The following SEMA6A variants were observed in gnomAD, a reference collection of about 807,000 sequenced individuals.
SEMA6A encodes semaphorin 6A.
Under a neutral mutation model 96.8 loss-of-function variants are expected in SEMA6A, and 25 were observed. The ratio of observed to expected loss-of-function variants is 0.26; its 90% CI spans 0.19 to 0.36. The LOEUF (loss-of-function observed/expected upper bound fraction) is 0.36. Among genes scored for constraint, SEMA6A ranks in the 10% least tolerant of loss-of-function variants. The probability of loss-of-function intolerance (pLI) is 1.00; values close to 1 mark genes in which losing one functional copy is unlikely to be tolerated. For synonymous variants in SEMA6A, 612 were observed against 518.0 expected (o/e 1.18, Z -2.46); for missense variants, 1,363 against 1,323.1 (o/e 1.03, Z -0.47).
intron 1 of SEMA6A, among the ~76,000 whole-genome samples, chr5:116,532,088 G>C (rs1239197877): frequency 1.3e-5 from 2 of 152,146 alleles, no homozygotes; most frequent in Non-Finnish European, 2.9e-5. Flanking sequence ...CGCTTCTATA[G>C]AAGTAAAAAT....
At chr5:116,493,583 C>T (rs953742754) in intron 6 of SEMA6A, among the ~76,000 whole-genome samples, 2 of 152,084 alleles carry the variant, frequency 1.3e-5, no homozygotes, top group Admixed American at 6.6e-5. Context: ...GAGCCACATG[C>T]CTCACTTGCT....
rs769600246 is a variant in SEMA6A at position 116,446,790 on chromosome 5, G to A, written c.2916C>T (p.His972=). The stretch of plus-strand genomic sequence containing the variant: ...CGGCCTGGCCAGATGGCTGGGAGCT[G>A]TGCACCTGGATGGAGTCCACCCTCT... ...APQRVDSIQV[H]SSQPSGQAVT... Residue 972 remains histidine (H), a synonymous_variant, in exon 19 of 19, where the codon CAC becomes CAT. Coordinates refer to ENST00000343348, the MANE Select transcript of SEMA6A (RefSeq NM_020796.5). The A allele has an allele frequency of 3.1e-6, 5 of 1,612,760 alleles. No homozygotes were observed. In the East Asian group the frequency reaches 8.9e-5, roughly 29 times the overall value.
At chr5:116,532,327 C>G (rs537144085) in intron 1 of SEMA6A, among the ~76,000 whole-genome samples, 2 of 152,066 alleles carry the variant, frequency 1.3e-5, no homozygotes, top group African/African-American at 4.8e-5. Context: ...TGGGGTCAGG[C>G]GGCCAACAAA....
In SEMA6A at chr5:116,460,540, C is replaced by CAAAA. The variant is rs1394334308; in HGVS notation, c.1894+7039_1894+7042dup. On this transcript the variant is annotated intron_variant, in intron 18 of 18. Coordinates refer to ENST00000343348, the MANE Select transcript of SEMA6A (RefSeq NM_020796.5). ...AGTACTCTCAGTTAATTCGGATAAACAAAAATGTTTTAGTTAAAAGTATGT... is the reference window on the plus strand; with the variant it reads ...AGTACTCTCAGTTAATTCGGATAAACAAAAAAAAATGTTTTAGTTAAAAGTATGT... 9.2e-5 allele frequency among the ~76,000 whole-genome samples: 14 copies of CAAAA among 152,114 alleles called. 1 individual carries two copies. In the East Asian group the frequency reaches 2.1e-3, roughly 23 times the overall value.
intron 1 of SEMA6A, among the ~76,000 whole-genome samples, chr5:116,514,895 A>G (rs1432079526): frequency 2.6e-5 from 4 of 152,210 alleles, no homozygotes; most frequent in Non-Finnish European, 5.9e-5. Flanking sequence ...TGGGCCCCAT[A>G]GCTTTTGCTC....
intron 2 of SEMA6A, among the ~76,000 whole-genome samples, chr5:116,503,468 T>C (rs1444818796): frequency 6.6e-6 from 1 of 152,012 alleles, no homozygotes; most frequent in African/African-American, 2.4e-5. Context: ...TGGATTTGAG[T>C]GATCACTGAA....
chr5:116,467,712 A>G lies in SEMA6A; in HGVS notation c.1765T>C (p.Ser589Pro). The change falls in exon 18 of 19, where the codon TCA (serine) becomes CCA (proline). Residue 589 changes from serine (S) to proline (P), a missense_variant. By Grantham distance (74) the Ser-to-Pro change is moderately conservative. Transcript: ENST00000343348. ...TACCCCTCTTGAGCCGTCGAATCTG[A>G]TGTGGTTGTGCTGGGCAAGAGGGAA... The part of the protein sequence containing the change: ...SSSLLPSTTT[S>P]DSTAQEGYES... 1.2e-6 allele frequency: 2 copies of G among 1,613,722 alleles called. No individual in the cohort carries two copies. The highest frequency in any genetic ancestry group is 1.7e-6 in the Non-Finnish European group (2 of 1,179,810).
At chr5:116,452,679 A>T (rs1754716229) in intron 18 of SEMA6A, among the ~76,000 whole-genome samples, 1 of 152,244 alleles carries the variant, frequency 6.6e-6, no homozygotes, top group Admixed American at 6.5e-5. Flanking sequence ...TTATTTTAAA[A>T]AATGTTTTCT....
chr5:116,528,559 A>T (rs1759329269), intron 1 of SEMA6A, among the ~76,000 whole-genome samples: 1 of 152,216 alleles, frequency 6.6e-6, no homozygotes, highest in Non-Finnish European at 1.5e-5. Flanking sequence ...ACCCTGGCAG[A>T]GGTGTCATCA....
At position 116,465,895 on chromosome 5, in the gene SEMA6A, T is replaced by A. The variant is rs572065422; in HGVS notation, c.1894+1688A>T. On this transcript the variant is annotated intron_variant, in intron 18 of 18. Coordinates refer to ENST00000343348, the MANE Select transcript of SEMA6A (RefSeq NM_020796.5). ...GAGTTTTCTCTTCTTGAGAATACAGTCAGGACTAGCACATCTGAGGTCAGG... is the reference window on the plus strand; with the variant it reads ...GAGTTTTCTCTTCTTGAGAATACAGACAGGACTAGCACATCTGAGGTCAGG... Among the ~76,000 whole-genome samples the A allele has an allele frequency of 2.0e-5, 3 of 152,100 alleles. No individual in the cohort carries two copies. The East Asian group carries it at 5.8e-4, about 29-fold the overall frequency.
In SEMA6A at chr5:116,446,948, A is replaced by G. The variant is rs774677937; in HGVS notation, c.2758T>C (p.Tyr920His). The change falls in exon 19 of 19, where the codon TAC becomes CAC. Residue 920 changes from tyrosine to histidine, a missense_variant. By Grantham distance (83) the Tyr-to-His change is moderately conservative (BLOSUM62 2). Coordinates refer to ENST00000343348, the MANE Select transcript of SEMA6A (RefSeq NM_020796.5). Reference protein sequence around the residue: ...SSYGVDYKRSYPTNSLTRSHQ... With the variant: ...SSYGVDYKRSHPTNSLTRSHQ... ...CTTCTCGTGAGCGAGTTCGTGGGGT[A>G]GCTCCTCTTATAGTCAACCCCGTAG... The G allele has an allele frequency of 1.2e-6, 2 of 1,613,872 alleles. No individual in the cohort carries two copies. Among genetic ancestry groups the G allele is most frequent in the Non-Finnish European group, 1.7e-6 (2 of 1,179,864 alleles).
In SEMA6A at chr5:116,455,615, C is replaced by A. The variant is rs183286884; in HGVS notation, c.1895-7804G>T. Among the ~76,000 whole-genome samples the A allele has an allele frequency of 2.2e-3, 342 of 152,276 alleles. 2 individuals are homozygous for A. The highest frequency in any genetic ancestry group is 8.0e-3 in the African/African-American group (331 of 41,556). On this transcript the variant is annotated intron_variant, in intron 18 of 18. Coordinates refer to ENST00000343348, the MANE Select transcript of SEMA6A (RefSeq NM_020796.5). Reference sequence around the variant, plus strand: ...AAAAAATTGTGAAATTTGGGCAAGTCTTTGCTTGGATTATTTGATTACTTG... The same window carrying A: ...AAAAAATTGTGAAATTTGGGCAAGTATTTGCTTGGATTATTTGATTACTTG...
At chr5:116,480,067 C>A in intron 12 of SEMA6A, 55 bp downstream of exon 12, 2 of 1,592,462 alleles carry the variant, frequency 1.3e-6, no homozygotes, top group Non-Finnish European at 1.7e-6. Context: ...GATTGGTTCT[C>A]CGACATGAGA....
intron 18 of SEMA6A, among the ~76,000 whole-genome samples, chr5:116,463,987 T>C (rs1755572537): frequency 6.6e-6 from 1 of 152,214 alleles, no homozygotes; most frequent in East Asian, 1.9e-4. Context: ...GTATTGTTAC[T>C]TTTGGTAAGG....
At chr5:116,456,127 CT>C (rs1033928978) in intron 18 of SEMA6A, among the ~76,000 whole-genome samples, 3 of 152,134 alleles carry the variant, frequency 2.0e-5, no homozygotes, top group African/African-American at 7.2e-5. Flanking sequence ...GGATTTACAA[CT>C]ACAACAAAAC....
At position 116,488,877 on chromosome 5, in the gene SEMA6A, T is replaced by C; in HGVS notation, c.655+11A>G. On this transcript the variant is annotated intron_variant, in intron 8 of 18. Transcript: ENST00000343348. ...CCCCTCCGACCCTCCTTCTTTTAAT[T>C]GTTTGTTCACCTTTCAACCATTTTG... 1 of 1,554,218 alleles carries C rather than the reference T, an allele frequency of 6.4e-7. No homozygotes were observed. The highest frequency in any genetic ancestry group is 8.7e-7 in the Non-Finnish European group (1 of 1,148,046).
In SEMA6A at chr5:116,463,577, C is replaced by T. The variant is rs574417902; in HGVS notation, c.1894+4006G>A. On this transcript the variant is annotated intron_variant, in intron 18 of 18. Coordinates refer to ENST00000343348, the MANE Select transcript of SEMA6A (RefSeq NM_020796.5). The stretch of plus-strand genomic sequence containing the variant: ...ATTCAACATTTGCTATCCATTTTAG[C>T]TTATTCACTTAATCTCTAATTTAAA... Among the ~76,000 whole-genome samples, 31 of 152,276 alleles carry T rather than the reference C, an allele frequency of 2.0e-4. 1 individual carries two copies. The South Asian group carries it at 6.4e-3, about 32-fold the overall frequency.
intron 17 of SEMA6A, chr5:116,468,422 T>G (rs1248833185): frequency 6.6e-6 from 1 of 152,256 alleles, no homozygotes; most frequent in Non-Finnish European, 1.5e-5. Flanking sequence ...CTACACGCTA[T>G]TACGGCTGTC....
chr5:116,478,407 TA>T, intron 13 of SEMA6A, 134 bp downstream of exon 13: 1 of 994,334 alleles, frequency 1.0e-6, no homozygotes, highest in Non-Finnish European at 1.5e-6. Flanking sequence ...TTTTAGGTGT[TA>T]AATTTTTACA....
Sources: allele counts gnomAD v4.1 joint callset (sites outside exome capture counted in the v4.1 genomes callset), GRCh38; gene constraint gnomAD v4.1.1; transcripts MANE v1.5; gene names NCBI Gene and HGNC (gene_info 2026-07-23, HGNC 2026-07-21).